Variants in SRGAP2 observed in about 807,000 individuals in gnomAD.
SRGAP2 encodes the protein SLIT-ROBO Rho GTPase activating protein 2, also known as SLIT-ROBO Rho GTPase-activating protein 2.
Under a neutral mutation model 57.2 loss-of-function variants are expected in SRGAP2, and 15 were observed. That is an observed-to-expected ratio of 0.26 (90% CI 0.18 to 0.40). SRGAP2 has a LOEUF of 0.40. SRGAP2 is among the 10% of genes least tolerant of loss of function. SRGAP2 has a pLI of 1.00. For missense variants in SRGAP2, 520 were observed against 669.6 expected (o/e 0.78, Z 2.47); for synonymous variants, 249 against 248.0 (o/e 1.00, Z -0.04).
intron 2 of SRGAP2, among the ~76,000 whole-genome samples, chr1:206,258,019 G>T (rs564182945): frequency 2.0e-5 from 3 of 152,114 alleles, no homozygotes; most frequent in Non-Finnish European, 4.4e-5. Context: ...CATAAGCACC[G>T]TAAAGGTGGT....
Position 206,454,131 on chromosome 1 carries a change from T to A in SRGAP2, c.2361-747T>A. On this transcript the variant is annotated intron_variant, in intron 20 of 22. Transcript: ENST00000573034. The surrounding 1 kb of genome is among the most constrained non-coding windows in gnomAD (Gnocchi z 4.3). ...AGTGTTTTTAGTCCTTCCCTTAATATTATTTTTTAAAGGTTGATATCCTGA... is the reference window on the plus strand; with the variant it reads ...AGTGTTTTTAGTCCTTCCCTTAATAATATTTTTTAAAGGTTGATATCCTGA... 7 of 702,520 alleles carry A rather than the reference T, an allele frequency of 1.0e-5. No individual in the cohort carries two copies. Among genetic ancestry groups the A allele is most frequent in the South Asian group, 8.9e-5 (6 of 67,584 alleles). The allele number at this position is 702,520 out of a possible 1,614,324, so 43.5% of individuals were successfully genotyped here. A position where few individuals can be genotyped will look rare whatever the true frequency, so the allele number is the denominator to read the frequency against.
intron 17 of SRGAP2, among the ~76,000 whole-genome samples, chr1:206,445,165 A>G (rs573208856): frequency 3.9e-5 from 6 of 152,230 alleles, no homozygotes; most frequent in Non-Finnish European, 8.8e-5. Flanking sequence ...TCCTCAGCAG[A>G]GCTCACAGCT....
At chr1:206,377,143 A>C (rs1655278744) in intron 4 of SRGAP2, among the ~76,000 whole-genome samples, 1 of 152,228 alleles carries the variant, frequency 6.6e-6, no homozygotes. Flanking sequence ...ATAATTAAAC[A>C]GGAATCAAAT....
intron 22 of SRGAP2, among the ~76,000 whole-genome samples, chr1:206,459,711 A>G (rs1553379804): frequency 6.6e-6 from 1 of 152,210 alleles, no homozygotes; most frequent in Non-Finnish European, 1.5e-5. Context: ...TTGCCTTCTT[A>G]TCTCAACTGA....
chr1:206,267,383 C>A (rs1212349603), intron 2 of SRGAP2, among the ~76,000 whole-genome samples: 3 of 151,074 alleles, frequency 2.0e-5, no homozygotes, highest in Non-Finnish European at 2.9e-5. Context: ...ACTTTAGGAT[C>A]GAGTATGAAC....
intron 13 of SRGAP2, among the ~76,000 whole-genome samples, chr1:206,429,062 C>T (rs1472922491): frequency 6.6e-6 from 1 of 152,208 alleles, no homozygotes; most frequent in South Asian, 2.1e-4. Flanking sequence ...TTAAATTCCT[C>T]TATAAATGGT....
chr1:206,448,171 G>A (rs1662936867), intron 18 of SRGAP2, among the ~76,000 whole-genome samples: 1 of 152,156 alleles, frequency 6.6e-6, no homozygotes, highest in Non-Finnish European at 1.5e-5. Context: ...GGAGGTGAGT[G>A]AGGGTGGTAG....
intron 2 of SRGAP2, among the ~76,000 whole-genome samples, chr1:206,259,483 C>G (rs1406567154): frequency 6.6e-6 from 1 of 151,738 alleles, no homozygotes; most frequent in Non-Finnish European, 1.5e-5. Context: ...ACCACAGGTG[C>G]GTGCCACCAA....
At chr1:206,213,489 A>G (rs1339716120) in intron 2 of SRGAP2, 1 of 266,168 alleles carries the variant, frequency 3.8e-6, no homozygotes, top group Non-Finnish European at 5.8e-6. Context: ...GACAATCTCC[A>G]AGGAAAGTCA....
Position 206,458,874 on chromosome 1 carries a change from G to T in SRGAP2, c.2759G>T (p.Arg920Leu). 1.3e-6 allele frequency: 1 copy of T among 780,364 alleles called. No individual in the cohort carries two copies. 48.3% of individuals were successfully genotyped at this position (780,364 alleles called of 1,614,324 possible). The part of the protein sequence containing the change: ...LKNRLDSPQI[R>L]KTATAGRSKS... The stretch of plus-strand genomic sequence containing the variant: ...AATCGGCTGGATAGTCCACAGATCC[G>T]GAAGACTGCCACAGCGGGAAGGTCA... The change falls in exon 22 of 23, where the codon CGG becomes CTG. Residue 920 changes from arginine (R) to leucine (L), a missense_variant. Transcript: ENST00000573034.
At chr1:206,260,558 C>T (rs528044891) in intron 2 of SRGAP2, among the ~76,000 whole-genome samples, 10 of 152,272 alleles carry the variant, frequency 6.6e-5, no homozygotes, top group South Asian at 6.2e-4. Flanking sequence ...TACCCCTCCA[C>T]GTTCTTTTAC....
intron 2 of SRGAP2, among the ~76,000 whole-genome samples, chr1:206,263,806 A>G (rs368791791): frequency 1.3e-3 from 200 of 152,290 alleles, no homozygotes; most frequent in Middle Eastern, 6.8e-3. Context: ...AAATATTGAG[A>G]TAAGTGCTAT....
chr1:206,319,367 C>T (rs1424097466), intron 3 of SRGAP2, among the ~76,000 whole-genome samples: 28 of 151,454 alleles, frequency 1.8e-4, no homozygotes, highest in African/African-American at 2.9e-4. Context: ...GCCGAGATCG[C>T]GCCACTGCAC....
At chr1:206,227,971 CA>C (rs1196719654) in intron 2 of SRGAP2, among the ~76,000 whole-genome samples, 1 of 151,818 alleles carries the variant, frequency 6.6e-6, no homozygotes, top group Non-Finnish European at 1.5e-5. Flanking sequence ...TCTTAAAAAA[CA>C]AAGCAAAACA....
At chr1:206,459,554 T>G (rs1243736998) in intron 22 of SRGAP2, among the ~76,000 whole-genome samples, 1 of 152,186 alleles carries the variant, frequency 6.6e-6, no homozygotes, top group Non-Finnish European at 1.5e-5. Context: ...TGCACCGCAC[T>G]GATGACTCTC....
intron 3 of SRGAP2, among the ~76,000 whole-genome samples, chr1:206,340,377 G>A (rs1675092910): frequency 7.1e-6 from 1 of 140,046 alleles, no homozygotes; most frequent in South Asian, 2.4e-4. Context: ...CTATATTGCA[G>A]CATTTGCACT....
chr1:206,418,594 C>G (rs1477423374), intron 11 of SRGAP2, among the ~76,000 whole-genome samples: 2 of 152,140 alleles, frequency 1.3e-5, no homozygotes, highest in African/African-American at 4.8e-5. Flanking sequence ...ACATCATTTC[C>G]CATGTAGACA....
intron 2 of SRGAP2, among the ~76,000 whole-genome samples, chr1:206,249,522 T>A (rs1195407613): frequency 6.6e-6 from 1 of 151,126 alleles, no homozygotes; most frequent in Non-Finnish European, 1.5e-5. Context: ...ATGTTCTCAC[T>A]CATAAGTGGG....
intron 12 of SRGAP2, among the ~76,000 whole-genome samples, chr1:206,420,678 C>T (rs1438132954): frequency 2.0e-5 from 3 of 152,124 alleles, no homozygotes; most frequent in Non-Finnish European, 4.4e-5. Flanking sequence ...GGGTGTTATG[C>T]CTCTGAGTCA....
Sources: gnomAD v4.1 joint callset for allele counts (sites outside exome capture counted in the v4.1 genomes callset) on GRCh38, gnomAD v4.1.1 for gene constraint, Gnocchi (gnomAD v3.1) non-coding constraint, MANE v1.5 for transcripts, NCBI Gene and HGNC (gene_info 2026-07-23, HGNC 2026-07-21) for gene names.